The following ROBO1 variants were observed in gnomAD, a reference collection of about 807,000 sequenced individuals.
ROBO1 encodes the protein roundabout homolog 1.
A neutral mutation model predicts 195.9 loss-of-function variants in ROBO1; 149 were observed. The ratio of observed to expected loss-of-function variants is 0.76; its 90% confidence interval spans 0.67 to 0.87. ROBO1 has a LOEUF of 0.87. ROBO1 is among the 40% of genes least tolerant of loss of function. ROBO1 has a pLI of 0.00. For missense variants in ROBO1, 1,933 were observed against 2,068.3 expected (o/e 0.93, Z 1.27); for synonymous variants, 816 against 733.2 (o/e 1.11, Z -1.82).
chr3:79,353,597 G>T (rs1162102443), intron 2 of ROBO1, among the ~76,000 whole-genome samples: 1 of 152,144 alleles, frequency 6.6e-6, no homozygotes, highest in Non-Finnish European at 1.5e-5. Flanking sequence ...GGACATGGAG[G>T]TGCTGGGGAT....
intron 3 of ROBO1, among the ~76,000 whole-genome samples, chr3:78,958,946 C>G (rs1316787917): frequency 6.6e-6 from 1 of 151,492 alleles, no homozygotes; most frequent in Non-Finnish European, 1.5e-5. Context: ...CACCTGGGAC[C>G]ACAGGTGTAC....
intron 4 of ROBO1, among the ~76,000 whole-genome samples, chr3:78,843,104 T>C (rs960842828): frequency 1.3e-5 from 2 of 152,122 alleles, no homozygotes; most frequent in African/African-American, 2.4e-5. Context: ...ATTTGTTTTA[T>C]GTGCTTAAAA....
chr3:78,627,499 C>A lies in ROBO1; in HGVS notation c.3697G>T (p.Glu1233Ter). 1 of 1,613,320 alleles carries A rather than the reference C, an allele frequency of 6.2e-7. No homozygotes were observed. Among genetic ancestry groups the A allele is most frequent in the East Asian group, 2.2e-5 (1 of 44,784 alleles). Residue 1233 changes from glutamate to a stop codon, truncating the protein, a stop_gained, in exon 26 of 31, where the codon GAG becomes TAG. Coordinates refer to ENST00000464233, the MANE Select transcript of ROBO1 (RefSeq NM_002941.4). LOFTEE classifies it high-confidence loss of function. Reference protein sequence around the residue: ...MYLQQDELEEEEDERGPTPPV... With the variant: ...MYLQQDELEE ...GGAGTGGGGCCTCGTTCATCTTCCT[C>A]CTCTTCTAATTCATCTTGTTGCAAA... is the stretch of plus-strand genomic sequence containing the variant.
At chr3:79,257,397 G>C (rs2082854544) in intron 2 of ROBO1, among the ~76,000 whole-genome samples, 1 of 151,994 alleles carries the variant, frequency 6.6e-6, no homozygotes, top group Non-Finnish European at 1.5e-5. Flanking sequence ...CTCTGGGGCA[G>C]CAGTAGAGTA....
At chr3:78,780,054 A>G (rs1273907893) in intron 4 of ROBO1, among the ~76,000 whole-genome samples, 1 of 152,116 alleles carries the variant, frequency 6.6e-6, no homozygotes, top group Admixed American at 6.5e-5. Context: ...GAGTTTTACA[A>G]TGAGAACACA....
At chr3:78,769,537 T>C (rs448782) in intron 4 of ROBO1, among the ~76,000 whole-genome samples, 8,270 of 152,128 alleles carry the variant, frequency 0.054, 303 homozygotes, top group Middle Eastern at 0.11. Context: ...GTGGAACATT[T>C]AGGCCATTTA....
intron 4 of ROBO1, among the ~76,000 whole-genome samples, chr3:78,928,221 T>TA (rs2039320470): frequency 6.6e-6 from 1 of 152,130 alleles, no homozygotes; most frequent in South Asian, 2.1e-4. Flanking sequence ...TGTCTGTAAC[T>TA]AAAAAGAGTA....
chr3:78,670,295 G>A lies in ROBO1; in HGVS notation c.1349C>T (p.Ala450Val). Residue 450 changes from alanine to valine, a missense_variant, in exon 11 of 31, where the codon GCA becomes GTA. Ala to Val is a moderately conservative substitution (Grantham distance 64, BLOSUM62 0). Transcript: ENST00000464233. The part of the protein sequence containing the change: ...KAYLEVTDVI[A>V]DRPPPVIRQG... ...TCGAATAACTGGGGGAGGCCGATCT[G>A]CAATCACTGCCAGAAGAAACAACAG... The A allele has an allele frequency of 6.4e-7, 1 of 1,558,720 alleles. No individual in the cohort carries two copies. The highest frequency in any genetic ancestry group is 1.7e-4 in the Middle Eastern group (1 of 6,000).
chr3:79,428,555 A>G (rs1001791189), intron 2 of ROBO1, among the ~76,000 whole-genome samples: 2 of 152,176 alleles, frequency 1.3e-5, no homozygotes, highest in African/African-American at 4.8e-5. Flanking sequence ...TAAAGCCAGC[A>G]TACTAAAACA....
intron 2 of ROBO1, among the ~76,000 whole-genome samples, chr3:79,374,664 T>C (rs567218802): frequency 6.6e-6 from 1 of 152,304 alleles, no homozygotes; most frequent in African/African-American, 2.4e-5. Flanking sequence ...GCTACAAGCA[T>C]TGACCACATG....
chr3:78,680,122 T>A (rs2080857642), intron 10 of ROBO1, among the ~76,000 whole-genome samples: 1 of 152,216 alleles, frequency 6.6e-6, no homozygotes, highest in Non-Finnish European at 1.5e-5. Flanking sequence ...GAAAACTGGC[T>A]AGTCATATGT....
chr3:78,877,008 T>C (rs1381463236), intron 4 of ROBO1, among the ~76,000 whole-genome samples: 2 of 152,170 alleles, frequency 1.3e-5, no homozygotes, highest in Non-Finnish European at 1.5e-5. Context: ...CGACAATCTC[T>C]GCACATTCAA....
intron 1 of ROBO1, among the ~76,000 whole-genome samples, chr3:79,736,012 G>GT (rs1161769865): frequency 6.6e-6 from 1 of 152,006 alleles, no homozygotes; most frequent in African/African-American, 2.4e-5. Context: ...ATAAGATTTT[G>GT]TTTTTTGTAA....
chr3:78,772,110 T>C (rs1236490393), intron 4 of ROBO1, among the ~76,000 whole-genome samples: 3 of 152,110 alleles, frequency 2.0e-5, no homozygotes, highest in Non-Finnish European at 4.4e-5. Context: ...TTCCATAAAA[T>C]ACCAGTGCCT....
intron 3 of ROBO1, among the ~76,000 whole-genome samples, chr3:79,096,094 G>A (rs2079561004): frequency 6.6e-6 from 1 of 151,968 alleles, no homozygotes; most frequent in Admixed American, 6.6e-5. Flanking sequence ...CTTAAAAGAA[G>A]GAATTTTAGG....
chr3:78,860,144 T>TAGAC (rs1437997385), intron 4 of ROBO1, among the ~76,000 whole-genome samples: 4 of 115,050 alleles, frequency 3.5e-5, no homozygotes, highest in African/African-American at 9.3e-5. Flanking sequence ...GATAGGTAGA[T>TAGAC]AGATAGATAG....
At chr3:78,840,655 A>T (rs1418607581) in intron 4 of ROBO1, among the ~76,000 whole-genome samples, 1 of 152,180 alleles carries the variant, frequency 6.6e-6, no homozygotes, top group Admixed American at 6.5e-5. Context: ...AGATTGAAAC[A>T]CTTAGTTCAA....
intron 2 of ROBO1, among the ~76,000 whole-genome samples, chr3:79,564,331 A>T (rs866373021): frequency 6.6e-6 from 1 of 152,048 alleles, no homozygotes; most frequent in Non-Finnish European, 1.5e-5. Flanking sequence ...AGTGCTGAGC[A>T]TGCTTCACTG....
intron 1 of ROBO1, among the ~76,000 whole-genome samples, chr3:79,621,181 G>A (rs1944996191): frequency 6.6e-6 from 1 of 152,086 alleles, no homozygotes; most frequent in African/African-American, 2.4e-5. Flanking sequence ...CAAGGCTTCA[G>A]GGACAGCCCT....
Sources: allele counts gnomAD v4.1 joint callset (sites outside exome capture counted in the v4.1 genomes callset), GRCh38; gene constraint gnomAD v4.1.1; transcripts MANE v1.5; gene names NCBI Gene and HGNC (gene_info 2026-07-23, HGNC 2026-07-21).